YJU2B: variants seen among roughly 807,000 people sequenced by gnomAD.
YJU2B encodes the protein YJU2 splicing factor homolog B, also known as probable splicing factor YJU2B.
A neutral mutation model predicts 38.0 loss-of-function variants in YJU2B; 18 were observed. The observed-to-expected ratio is 0.47, with a 90% CI of 0.33 to 0.70. YJU2B has a LOEUF of 0.70. Ranked by LOEUF, YJU2B falls within the 30% of genes least tolerant of loss-of-function variation. YJU2B has a pLI of 0.02. For missense variants in YJU2B, 538 were observed against 556.3 expected, an observed-to-expected ratio of 0.97 and a Z score of 0.33; for synonymous variants, 246 against 225.4, an observed-to-expected ratio of 1.09 and a Z score of -0.82.
chr19:13,762,261 A>G, intron 8 of YJU2B, 38 bp from the exon 9 acceptor site: 1 of 1,604,730 alleles, frequency 6.2e-7, no homozygotes, highest in Non-Finnish European at 8.5e-7. Context: ...CAGGGCTTTG[A>G]CACCCCCTAT....
Position 13,756,291 on chromosome 19 carries a change from C to G in YJU2B, c.140+12C>G. On this transcript the variant is annotated intron_variant, in intron 4 of 9. Coordinates refer to ENST00000221554, the MANE Select transcript of YJU2B (RefSeq NM_030818.4). Reference sequence around the variant, plus strand: ...ATCCTCATCATCCGGTAAGGCCCAGCATCACCTGAGGACCCCACCGTCCTG... The same window carrying G: ...ATCCTCATCATCCGGTAAGGCCCAGGATCACCTGAGGACCCCACCGTCCTG... 1 of 1,611,442 alleles carries G rather than the reference C, an allele frequency of 6.2e-7. No individual in the cohort carries two copies. Among genetic ancestry groups the G allele is most frequent in the Admixed American group, 1.7e-5 (1 of 60,004 alleles).
upstream of YJU2B, among the ~76,000 whole-genome samples, chr19:13,747,617 C>A (rs972441334): frequency 2.6e-5 from 4 of 152,246 alleles, no homozygotes; most frequent in Non-Finnish European, 5.9e-5. Context: ...ACTACAGGGG[C>A]CCGCCACCAC....
At chr19:13,741,686 C>T (rs1474352963) in intron 2 of YJU2B, among the ~76,000 whole-genome samples, 1 of 151,960 alleles carries the variant, frequency 6.6e-6, no homozygotes, top group Non-Finnish European at 1.5e-5. Context: ...GCAGTGATTG[C>T]ACCACTGCAC....
intron 2 of YJU2B, among the ~76,000 whole-genome samples, chr19:13,753,683 T>G (rs989580451): frequency 7.3e-5 from 11 of 151,478 alleles, no homozygotes; most frequent in African/African-American, 2.7e-4. Flanking sequence ...CTCAGGAAAC[T>G]TAACAATCAT....
chr19:13,758,608 A>G (rs1173977513), intron 6 of YJU2B, among the ~76,000 whole-genome samples: 1 of 152,270 alleles, frequency 6.6e-6, no homozygotes, highest in African/African-American at 2.4e-5. Flanking sequence ...ATGAACCAAA[A>G]AAATGGATGA....
At chr19:13,732,419 T>C (rs346172) in intron 2 of YJU2B, 44,503 of 151,562 alleles carry the variant, frequency 0.29, 6,847 homozygotes, top group African/African-American at 0.34. Flanking sequence ...ATAAAAGTGA[T>C]GGCGATAGTG....
chr19:13,747,476 A>ATAATTTTTCTT (rs576420277), upstream of YJU2B, among the ~76,000 whole-genome samples: 90 of 152,318 alleles, frequency 5.9e-4, no homozygotes, highest in African/African-American at 2.1e-3. Flanking sequence ...GCCTGTGCAA[A>ATAATTTTTCTT]TAATTTTTCT....
At chr19:13,749,191 A>G (rs1008907231) in intron 1 of YJU2B, among the ~76,000 whole-genome samples, 1 of 152,046 alleles carries the variant, frequency 6.6e-6, no homozygotes, top group African/African-American at 2.4e-5. Flanking sequence ...TTTAGTAGAG[A>G]CAGGGTTTCA....
At chr19:13,745,646 C>CATAGATAGATAG (rs1555699801), upstream of YJU2B, among the ~76,000 whole-genome samples, 13,325 of 116,156 alleles carry the variant, frequency 0.11, 998 homozygotes, top group Admixed American at 0.12. Context: ...AGCAAAACTC[C>CATAGATAGATAG]ATAGATAGAT....
chr19:13,735,767 T>A (rs780162573), intron 2 of YJU2B, among the ~76,000 whole-genome samples: 46 of 152,052 alleles, frequency 3.0e-4, no homozygotes, highest in Non-Finnish European at 5.7e-4. Flanking sequence ...AACTGGCCTC[T>A]TGCGGCCGGG....
intron 6 of YJU2B, among the ~76,000 whole-genome samples, chr19:13,758,316 G>A (rs750685267): frequency 2.0e-5 from 3 of 152,200 alleles, no homozygotes; most frequent in Non-Finnish European, 4.4e-5. Flanking sequence ...GGCCCTGCTG[G>A]GACGTCAGCC....
chr19:13,756,377 T>G lies in YJU2B; in HGVS notation c.140+98T>G, dbSNP rs141113796. On this transcript the variant is annotated intron_variant, in intron 4 of 9. Transcript: ENST00000221554. ...CTCATTGGCCCAGTGCTGCAGGGTC[T>G]TCATTCCATAAAGCAGAAAGTCACC... is the stretch of plus-strand genomic sequence containing the variant. The G allele has an allele frequency of 4.4e-4, 392 of 896,834 alleles. 3 individuals carry two copies. In the East Asian group the frequency reaches 9.1e-3, roughly 21 times the overall value. The allele number at this position is 896,834 out of a possible 1,614,324, so 55.6% of individuals were successfully genotyped here.
rs561380944 is a variant in YJU2B, at chr19:13,738,516, T to C, written c.-202+6231T>C. Among the ~76,000 whole-genome samples the C allele has an allele frequency of 4.6e-5, 7 of 152,230 alleles. No individual in the cohort carries two copies. The South Asian group carries it at 1.5e-3, about 32-fold the overall frequency. Reference sequence around the variant, plus strand: ...GCTCACACCTGTAATCCTAGCACTTTAGAAGGCCAAGGCGGGCGGATCACT... The same window carrying C: ...GCTCACACCTGTAATCCTAGCACTTCAGAAGGCCAAGGCGGGCGGATCACT... On this transcript the variant is annotated intron_variant, in intron 2 of 10. Transcript: ENST00000586600.
chr19:13,737,381 T>G (rs1241321453), intron 2 of YJU2B, among the ~76,000 whole-genome samples: 1 of 151,944 alleles, frequency 6.6e-6, no homozygotes, highest in Non-Finnish European at 1.5e-5. Context: ...ATGATACTGG[T>G]CAGACCATTT....
At chr19:13,744,070 A>G (rs1381929344), upstream of YJU2B, among the ~76,000 whole-genome samples, 1 of 145,544 alleles carries the variant, frequency 6.9e-6, no homozygotes, top group African/African-American at 2.6e-5. Flanking sequence ...AGGTGCCTGT[A>G]ATCCCAGCTA....
chr19:13,740,920 C>A (rs1461959007), intron 2 of YJU2B, among the ~76,000 whole-genome samples: 1 of 152,192 alleles, frequency 6.6e-6, no homozygotes, highest in Non-Finnish European at 1.5e-5. Context: ...ATGAGCACAT[C>A]CAACCCTCAA....
At position 13,734,951 on chromosome 19, in the gene YJU2B, T is replaced by C. The variant is rs559219091; in HGVS notation, c.-202+2666T>C. Among the ~76,000 whole-genome samples the C allele has an allele frequency of 4.6e-5, 7 of 152,264 alleles. No individual in the cohort carries two copies. In the East Asian group the frequency reaches 1.4e-3, roughly 29 times the overall value. ...ATTTTCTGGAAACTGGTTGACCCAG[T>C]TGGATTATATGAAACACAATGGATG... On this transcript the variant is annotated intron_variant, in intron 2 of 10. Transcript: ENST00000586600.
chr19:13,737,956 A>C (rs1003842950), intron 2 of YJU2B, among the ~76,000 whole-genome samples: 1 of 152,108 alleles, frequency 6.6e-6, no homozygotes, highest in Non-Finnish European at 1.5e-5. Context: ...TGTATGGATG[A>C]ATCTATCAGA....
At chr19:13,745,039 C>G (rs190566141), upstream of YJU2B, among the ~76,000 whole-genome samples, 15 of 151,848 alleles carry the variant, frequency 9.9e-5, no homozygotes, top group East Asian at 2.9e-3. Context: ...TCTTTTAAGT[C>G]AAATGCATAC....
Sources: allele counts gnomAD v4.1 joint callset (sites outside exome capture counted in the v4.1 genomes callset), GRCh38; gene constraint gnomAD v4.1.1; transcripts MANE v1.5; gene names NCBI Gene and HGNC (gene_info 2026-07-23, HGNC 2026-07-21).